The following PKHD1L1 variants were observed in gnomAD, a reference collection of about 807,000 sequenced individuals.
The protein encoded by PKHD1L1 is fibrocystin-L.
Under a neutral mutation model 462.9 loss-of-function variants are expected in PKHD1L1, and 434 were observed. The observed-to-expected ratio is 0.94, with a 90% CI of 0.87 to 1.02. The LOEUF is 1.02. Ranked by LOEUF, PKHD1L1 falls within the 50% of genes least tolerant of loss-of-function variation. The probability of loss-of-function intolerance (pLI) is 0.00; values close to 1 mark genes in which losing one functional copy is unlikely to be tolerated. For synonymous variants in PKHD1L1, 1,781 were observed against 1,750.0 expected (o/e 1.02, Z -0.44); for missense variants, 5,202 against 5,096.1 (o/e 1.02, Z -0.63).
Position 109,440,738 on chromosome 8 carries a change from G to A in PKHD1L1, c.3985G>A (p.Val1329Ile). 3 of 1,612,674 alleles carry A rather than the reference G, an allele frequency of 1.9e-6. No homozygotes were observed. Among genetic ancestry groups the A allele is most frequent in the East Asian group, 2.2e-5 (1 of 44,794 alleles). Residue 1329 changes from valine to isoleucine, a missense_variant, in exon 33 of 78, where the codon GTT (valine) becomes ATT (isoleucine). Physicochemically the swap from Val to Ile is conservative, Grantham distance 29. This residue lies in a region of PKHD1L1 where 4,497 missense variants were observed against 4,336.8 expected (regional missense o/e 1.04). Coordinates refer to ENST00000378402, the MANE Select transcript of PKHD1L1 (RefSeq NM_177531.6). ...CAAATTAAATTCTTCAATACAGTAT[G>A]TTTTAGAAGTGACCAGCATGTTTCC... ...RDKLNSSIQY[V>I]LEVTSMFPQR...
At chr8:109,515,410 A>C (rs1308362773) in intron 72 of PKHD1L1, 105 bp downstream of exon 72, 1 of 987,432 alleles carries the variant, frequency 1.0e-6, no homozygotes, top group African/African-American at 1.7e-5. Flanking sequence ...TCAATGATGG[A>C]GAAGAAAACA....
At chr8:109,452,653 G>T in intron 42 of PKHD1L1, 65 bp from the exon 43 acceptor site, 1 of 1,163,484 alleles carries the variant, frequency 8.6e-7, no homozygotes, top group Non-Finnish European at 1.1e-6. Context: ...AATGCTTTTT[G>T]AAAAATCGAA....
At chr8:109,383,177 AAT>A (rs1563723826) in intron 4 of PKHD1L1, among the ~76,000 whole-genome samples, 1 of 109,206 alleles carries the variant, frequency 9.2e-6, no homozygotes, top group East Asian at 2.3e-4. Context: ...TATATACAAT[AAT>A]ATATATAATT....
At chr8:109,493,585 G>C in intron 62 of PKHD1L1, 76 bp from the exon 63 acceptor site, 5 of 907,910 alleles carry the variant, frequency 5.5e-6, no homozygotes, top group Non-Finnish European at 8.3e-6. Context: ...TAAGTGTATT[G>C]TCATATACTT....
At chr8:109,418,216 T>C (rs183815459) in intron 21 of PKHD1L1, among the ~76,000 whole-genome samples, 11 of 152,288 alleles carry the variant, frequency 7.2e-5, no homozygotes, top group African/African-American at 2.4e-4. Context: ...TGTACAGTTC[T>C]ACGCTGAGGC....
intron 6 of PKHD1L1, among the ~76,000 whole-genome samples, chr8:109,387,968 T>C (rs1175999593): frequency 2.0e-5 from 3 of 152,164 alleles, no homozygotes; most frequent in Non-Finnish European, 4.4e-5. Context: ...AGGCAGATGT[T>C]TTCCCTGCAG....
In PKHD1L1 at chr8:109,534,013, T is replaced by C. The variant is rs1821098314; in HGVS notation, c.*3923T>C. Among the ~76,000 whole-genome samples the C allele has an allele frequency of 6.6e-6, 1 of 152,228 alleles. No homozygotes were observed. Among genetic ancestry groups the C allele is most frequent in the African/African-American group, 2.4e-5 (1 of 41,458 alleles). On this transcript the variant is annotated 3_prime_UTR_variant, in exon 78 of 78. Transcript: ENST00000378402. ...TGTTATTTGGTGGTTATCCTAAATC[T>C]CCTGCTTTCATCAGATGTCTGAGAT...
Position 109,535,909 on chromosome 8 carries a change from A to T in PKHD1L1, c.*5819A>T, listed in dbSNP as rs1821136794. 2.0e-5 allele frequency among the ~76,000 whole-genome samples: 3 copies of T among 152,160 alleles called. 1 individual carries two copies. Among genetic ancestry groups the T allele is most frequent in the Non-Finnish European group, 2.9e-5 (2 of 68,030 alleles). The stretch of plus-strand genomic sequence containing the variant: ...GTAGTACATAAAAGCCTGGAGAGAG[A>T]GGGGAAGGATTGTAAGTGTCATAGT... On this transcript the variant is annotated 3_prime_UTR_variant, in exon 78 of 78. Transcript: ENST00000378402.
intron 47 of PKHD1L1, 53 bp from the exon 48 acceptor site, chr8:109,461,719 T>C: frequency 6.5e-7 from 1 of 1,549,118 alleles, no homozygotes; most frequent in East Asian, 2.3e-5. Flanking sequence ...AAATCTTCAA[T>C]ATAAGAGGAT....
intron 1 of PKHD1L1, among the ~76,000 whole-genome samples, chr8:109,364,153 G>T (rs1586351313): frequency 6.6e-6 from 1 of 152,104 alleles, no homozygotes; most frequent in East Asian, 1.9e-4. Context: ...TTTCTTCTGT[G>T]CTCTTATAAT....
chr8:109,459,651 T>A lies in PKHD1L1; in HGVS notation c.7061T>A (p.Ile2354Lys). Residue 2354 changes from isoleucine to lysine, a missense_variant, in exon 47 of 78, where the codon ATA becomes AAA. Physicochemically the swap from Ile to Lys is moderately radical, Grantham distance 102. Around this residue, in one of 3 missense-constraint regions of PKHD1L1, gnomAD observed 4,497 missense variants for 4,336.8 expected, o/e 1.04. Coordinates refer to ENST00000378402, the MANE Select transcript of PKHD1L1 (RefSeq NM_177531.6). ...ATTGCATCTGTGTCTGCTGATGGCATAAACATAACACTAAGTAACCCACTA... is the reference window on the plus strand; with the variant it reads ...ATTGCATCTGTGTCTGCTGATGGCAAAAACATAACACTAAGTAACCCACTA... Reference protein sequence around the residue: ...MTIASVSADGINITLSNPLNY... With the variant: ...MTIASVSADGKNITLSNPLNY... The A allele has an allele frequency of 6.2e-7, 1 of 1,604,270 alleles. No individual in the cohort carries two copies. The highest frequency in any genetic ancestry group is 1.1e-5 in the South Asian group (1 of 89,162).
chr8:109,394,405 T>C lies in PKHD1L1; in HGVS notation c.741-10T>C. 6.8e-7 allele frequency: 1 copy of C among 1,460,634 alleles called. No individual in the cohort carries two copies. The highest frequency in any genetic ancestry group is 9.2e-7 in the Non-Finnish European group (1 of 1,092,488). 90.5% of individuals were successfully genotyped at this position (1,460,634 alleles called of 1,614,324 possible). ...CATTTAAAGCAGAAAATTTAATCTT[T>C]TTTTAACAGGAGTTTTCCACAGAAA... On this transcript the variant is annotated splice_polypyrimidine_tract_variant and intron_variant, in intron 9 of 77. Coordinates refer to ENST00000378402, the MANE Select transcript of PKHD1L1 (RefSeq NM_177531.6).
rs1001999436 is a variant in PKHD1L1, at chr8:109,464,393, A to G, written c.7561A>G (p.Ile2521Val). ...GGTTGAGAGGAATATTATATATGAT[A>G]TTAAGGGAGGAGCATTTTTTATAGA... ...LLVERNIIYD[I>V]KGGAFFIEDG... is the part of the protein sequence containing the mutation. Residue 2521 changes from isoleucine to valine, a missense_variant, in exon 49 of 78, where the codon ATT (isoleucine) becomes GTT (valine). Physicochemically the swap from Ile to Val is conservative, Grantham distance 29. Around this residue, in one of 3 missense-constraint regions of PKHD1L1, gnomAD observed 4,497 missense variants for 4,336.8 expected, o/e 1.04. Transcript: ENST00000378402. 2 of 1,613,350 alleles carry G rather than the reference A, an allele frequency of 1.2e-6. No homozygotes were observed. Among genetic ancestry groups the G allele is most frequent in the African/African-American group, 2.7e-5 (2 of 74,872 alleles).
chr8:109,529,569 G>C (rs898456462), intron 77 of PKHD1L1, among the ~76,000 whole-genome samples: 5 of 151,868 alleles, frequency 3.3e-5, no homozygotes, highest in Admixed American at 2.6e-4. Context: ...TGACAACTTT[G>C]GTACTTTACC....
chr8:109,502,034 T>C (rs140094737), intron 67 of PKHD1L1, among the ~76,000 whole-genome samples: 2 of 152,080 alleles, frequency 1.3e-5, no homozygotes, highest in Admixed American at 6.6e-5. Flanking sequence ...TTTCTTTTAA[T>C]TGGAAAGATC....
intron 60 of PKHD1L1, 32 bp from the exon 61 acceptor site, chr8:109,490,940 A>T (rs2130918981): frequency 2.6e-6 from 4 of 1,517,250 alleles, no homozygotes; most frequent in South Asian, 2.6e-5. Context: ...ATTTTATTTT[A>T]AAAATGTTCT....
chr8:109,532,945 C>A lies in PKHD1L1; in HGVS notation c.*2855C>A, dbSNP rs1418090698. Among the ~76,000 whole-genome samples the A allele has an allele frequency of 6.6e-6, 1 of 152,242 alleles. No homozygotes were observed. On this transcript the variant is annotated 3_prime_UTR_variant, in exon 78 of 78. Coordinates refer to ENST00000378402, the MANE Select transcript of PKHD1L1 (RefSeq NM_177531.6). ...CTATGCTGTGTGTTCTACATGGACC[C>A]TTTCCTTACAGCAATCCTATGAGGA...
chr8:109,391,652 G>A (rs1812718962), intron 9 of PKHD1L1, among the ~76,000 whole-genome samples: 1 of 152,120 alleles, frequency 6.6e-6, no homozygotes, highest in Non-Finnish European at 1.5e-5. Context: ...TATAGCTATA[G>A]TAGATTAATA....
intron 2 of PKHD1L1, among the ~76,000 whole-genome samples, chr8:109,379,976 A>C (rs1812028028): frequency 6.6e-6 from 1 of 152,212 alleles, no homozygotes; most frequent in Non-Finnish European, 1.5e-5. Flanking sequence ...AGGCAATTGC[A>C]GCAACCACCA....
Sources: gnomAD v4.1 joint callset for allele counts (sites outside exome capture counted in the v4.1 genomes callset) on GRCh38, gnomAD v4.1.1 for gene constraint, gnomAD v4.1.1 regional missense constraint, MANE v1.5 for transcripts, NCBI Gene and HGNC (gene_info 2026-07-23, HGNC 2026-07-21) for gene names.